Variants in SGCZ observed in about 807,000 individuals in gnomAD.
The protein encoded by SGCZ is sarcoglycan zeta.
A neutral mutation model predicts 41.3 loss-of-function variants in SGCZ; 40 were observed. That is an observed-to-expected ratio of 0.97 (90% CI 0.75 to 1.26). The LOEUF (loss-of-function observed/expected upper bound fraction) is 1.26. Ranked by LOEUF, SGCZ falls within the 50% of genes most tolerant of loss-of-function variation. SGCZ has a pLI of 0.00. For missense variants in SGCZ, 552 were observed against 369.8 expected (o/e 1.49, Z -4.04); for synonymous variants, 206 against 137.5 (o/e 1.50, Z -3.49).
chr8:15,234,131 G>T (rs1162158419), intron 1 of SGCZ, among the ~76,000 whole-genome samples: 1 of 152,088 alleles, frequency 6.6e-6, no homozygotes, highest in South Asian at 2.1e-4. Flanking sequence ...AAAATTTAAA[G>T]TGTCAGCTCT....
intron 2 of SGCZ, among the ~76,000 whole-genome samples, chr8:14,408,431 C>A (rs1418796795): frequency 6.6e-6 from 1 of 152,076 alleles, no homozygotes; most frequent in Non-Finnish European, 1.5e-5. Flanking sequence ...TCCAATAAAT[C>A]ATGAAATAGA....
intron 1 of SGCZ, among the ~76,000 whole-genome samples, chr8:14,871,536 T>C (rs1199713385): frequency 6.6e-6 from 1 of 151,998 alleles, no homozygotes; most frequent in Non-Finnish European, 1.5e-5. Context: ...CTGGGTGCAG[T>C]GGCTCACACC....
chr8:14,113,301 T>G (rs1382033970), intron 5 of SGCZ, among the ~76,000 whole-genome samples: 1 of 152,160 alleles, frequency 6.6e-6, no homozygotes, highest in Non-Finnish European at 1.5e-5. Context: ...TCTTAAGGCA[T>G]ATGCAGATTT....
chr8:14,591,740 A>T (rs1033612943), intron 1 of SGCZ, among the ~76,000 whole-genome samples: 3 of 152,176 alleles, frequency 2.0e-5, no homozygotes, highest in African/African-American at 7.2e-5. Context: ...TTGAAAGTTA[A>T]ATAAGCTAGA....
Position 15,166,021 on chromosome 8 carries a change from G to A in SGCZ, c.39+71564C>T, listed in dbSNP as rs1352243812. Among the ~76,000 whole-genome samples the A allele has an allele frequency of 2.0e-5, 3 of 152,074 alleles. No homozygotes were observed. The East Asian group carries it at 5.8e-4, about 29-fold the overall frequency. ...CATTTTGGCAAAATAAATAATTTATGGAAATCTGGATTCTATTTCATAATA... is the reference window on the plus strand; with the variant it reads ...CATTTTGGCAAAATAAATAATTTATAGAAATCTGGATTCTATTTCATAATA... On this transcript the variant is annotated intron_variant, in intron 1 of 7. Transcript: ENST00000382080.
intron 1 of SGCZ, among the ~76,000 whole-genome samples, chr8:15,009,496 C>T (rs1013627023): frequency 1.3e-5 from 2 of 152,242 alleles, no homozygotes; most frequent in African/African-American, 2.4e-5. Flanking sequence ...AAGGTTTAGA[C>T]AGAGCCAGTT....
chr8:14,229,260 A>C (rs1806478880), intron 4 of SGCZ, among the ~76,000 whole-genome samples: 2 of 152,106 alleles, frequency 1.3e-5, no homozygotes, highest in African/African-American at 4.8e-5. Flanking sequence ...ATAATGATTC[A>C]GGATGTTTAA....
chr8:14,245,657 C>A (rs1490313927), intron 3 of SGCZ, among the ~76,000 whole-genome samples: 2 of 151,642 alleles, frequency 1.3e-5, no homozygotes, highest in African/African-American at 4.8e-5. Context: ...CGTGAAAAGG[C>A]AATACACAAA....
chr8:14,361,240 G>A (rs1031203704), intron 2 of SGCZ, among the ~76,000 whole-genome samples: 2 of 152,122 alleles, frequency 1.3e-5, no homozygotes, highest in Admixed American at 1.3e-4. Context: ...GCCTTGCTAG[G>A]TTGGTAAAGT....
At chr8:14,706,987 T>C (rs1355212815) in intron 1 of SGCZ, among the ~76,000 whole-genome samples, 1 of 151,840 alleles carries the variant, frequency 6.6e-6, no homozygotes, top group African/African-American at 2.4e-5. Flanking sequence ...AATTCTTTTT[T>C]TTTTTTTTAA....
At chr8:14,306,563 C>T (rs1040157418) in intron 3 of SGCZ, among the ~76,000 whole-genome samples, 3 of 152,024 alleles carry the variant, frequency 2.0e-5, no homozygotes, top group Non-Finnish European at 2.9e-5. Flanking sequence ...TTTTTGATGA[C>T]CAAAAGAGGA....
In SGCZ at chr8:14,983,849, A is replaced by C. The variant is rs141978715; in HGVS notation, c.39+253736T>G. On this transcript the variant is annotated intron_variant, in intron 1 of 7. Transcript: ENST00000382080. ...TCATAATAAAGCCCAACTGCATTCTATATCTATTATATCTTTTGAGTACCT... is the reference window on the plus strand; with the variant it reads ...TCATAATAAAGCCCAACTGCATTCTCTATCTATTATATCTTTTGAGTACCT... Among the ~76,000 whole-genome samples the C allele has an allele frequency of 1.5e-3, 233 of 152,292 alleles. 1 individual carries two copies. In the East Asian group the frequency reaches 0.019, roughly 13 times the overall value.
intron 1 of SGCZ, among the ~76,000 whole-genome samples, chr8:14,821,284 C>A (rs1802072958): frequency 6.6e-6 from 1 of 151,838 alleles, no homozygotes; most frequent in Admixed American, 6.6e-5. Context: ...AATAGAAAAA[C>A]TGAACAGAAC....
At chr8:14,413,273 G>A (rs12544546) in intron 2 of SGCZ, among the ~76,000 whole-genome samples, 35,910 of 151,694 alleles carry the variant, frequency 0.24, 4,385 homozygotes, top group Non-Finnish European at 0.29. Flanking sequence ...AAGGGTACAG[G>A]TTATTCTCAG....
intron 1 of SGCZ, among the ~76,000 whole-genome samples, chr8:14,928,937 G>C (rs968451359): frequency 2.0e-5 from 3 of 152,058 alleles, no homozygotes; most frequent in East Asian, 3.9e-4. Flanking sequence ...TTTGACAGGA[G>C]CTTGATGTTA....
At chr8:14,855,392 G>A (rs939418122) in intron 1 of SGCZ, among the ~76,000 whole-genome samples, 4 of 152,028 alleles carry the variant, frequency 2.6e-5, no homozygotes, top group Admixed American at 6.6e-5. Flanking sequence ...TCTGTACTTC[G>A]TGCTCACTAT....
chr8:14,642,621 T>C (rs1807064662), intron 1 of SGCZ, among the ~76,000 whole-genome samples: 1 of 151,606 alleles, frequency 6.6e-6, no homozygotes, highest in Non-Finnish European at 1.5e-5. Flanking sequence ...GCTATGTTAA[T>C]TTTCAATGGT....
rs181227525 is a variant in SGCZ at position 14,247,109 on chromosome 8, G to C, written c.337-9430C>G. ...CTTGAATGTGAAGTAATGCAGAAGAGAGATATTATCTATGTATCAATCAAC... is the reference window on the plus strand; with the variant it reads ...CTTGAATGTGAAGTAATGCAGAAGACAGATATTATCTATGTATCAATCAAC... On this transcript the variant is annotated intron_variant, in intron 3 of 7. Transcript: ENST00000382080. 3.9e-5 allele frequency among the ~76,000 whole-genome samples: 6 copies of C among 152,222 alleles called. No individual in the cohort carries two copies. In the East Asian group the frequency reaches 9.7e-4, roughly 25 times the overall value.
At chr8:15,227,390 T>C (rs181747185) in intron 1 of SGCZ, among the ~76,000 whole-genome samples, 15 of 152,328 alleles carry the variant, frequency 9.8e-5, no homozygotes, top group Non-Finnish European at 1.6e-4. Flanking sequence ...AAATTCTTGC[T>C]AATAATTCAA....
Sources: gnomAD v4.1 joint callset for allele counts (sites outside exome capture counted in the v4.1 genomes callset) on GRCh38, gnomAD v4.1.1 for gene constraint, MANE v1.5 for transcripts, NCBI Gene and HGNC (gene_info 2026-07-23, HGNC 2026-07-21) for gene names.